AKAP6: variants seen among roughly 807,000 people sequenced by gnomAD.
AKAP6 encodes the protein A-kinase anchoring protein 6.
In AKAP6, 58 loss-of-function variants were observed where a neutral mutation model predicts 188.5. The observed-to-expected ratio is 0.31, with a 90% CI of 0.25 to 0.38. The LOEUF is 0.38. Among genes scored for constraint, AKAP6 ranks in the 10% least tolerant of loss-of-function variants. The pLI is 1.00. For missense variants in AKAP6, 2,710 were observed against 2,740.0 expected (o/e 0.99, Z 0.24); for synonymous variants, 989 against 998.6 (o/e 0.99, Z 0.18).
intron 1 of AKAP6, among the ~76,000 whole-genome samples, chr14:32,372,986 G>C (rs969006564): frequency 6.6e-6 from 1 of 152,044 alleles, no homozygotes. Context: ...AGGAAAAGAT[G>C]ATGTCAGACA....
rs367650901 is a variant in AKAP6, at chr14:32,577,135, C to G, written c.2362C>G (p.Leu788Val). The change falls in exon 5 of 14, where the codon CTG (leucine) becomes GTG (valine). Residue 788 changes from leucine (L) to valine (V), a missense_variant. This residue lies in a region of AKAP6 where 2,473 missense variants were observed against 2,426.1 expected (regional missense o/e 1.02). Coordinates refer to ENST00000280979, the MANE Select transcript of AKAP6 (RefSeq NM_004274.5). ...CTTTCACAAGGGGTTTGTAAACAAA[C>G]TGGATGAATTCATTCAATGGTTAAA... ...WEKIEGFVNK[L>V]DEFIQWLNEA... 8.1e-6 allele frequency: 13 copies of G among 1,608,950 alleles called. No homozygotes were observed. Among genetic ancestry groups the G allele is most frequent in the Non-Finnish European group, 1.0e-5 (12 of 1,178,498 alleles).
chr14:32,376,857 T>C (rs1385036931), intron 1 of AKAP6, among the ~76,000 whole-genome samples: 1 of 152,060 alleles, frequency 6.6e-6, no homozygotes, highest in Non-Finnish European at 1.5e-5. Flanking sequence ...CCATCATGAC[T>C]GACAAATTTT....
intron 5 of AKAP6, among the ~76,000 whole-genome samples, chr14:32,587,268 G>A (rs1885293547): frequency 6.6e-6 from 1 of 152,056 alleles, no homozygotes; most frequent in African/African-American, 2.4e-5. Flanking sequence ...ATATATTAAG[G>A]AAATTAGTCT....
chr14:32,445,213 A>G (rs1890717794), intron 2 of AKAP6, among the ~76,000 whole-genome samples: 1 of 152,094 alleles, frequency 6.6e-6, no homozygotes, highest in Non-Finnish European at 1.5e-5. Flanking sequence ...CATACCTTGG[A>G]ATATGGTTTC....
chr14:32,651,929 T>C (rs1888248092), intron 7 of AKAP6, among the ~76,000 whole-genome samples: 1 of 152,130 alleles, frequency 6.6e-6, no homozygotes, highest in Non-Finnish European at 1.5e-5. Flanking sequence ...AGTACTCTTT[T>C]TCCTGCCACC....
At chr14:32,804,671 T>A (rs1361626481) in intron 12 of AKAP6, among the ~76,000 whole-genome samples, 1 of 152,022 alleles carries the variant, frequency 6.6e-6, no homozygotes, top group African/African-American at 2.4e-5. Context: ...GACCACAAAT[T>A]TACCAGGGTG....
At position 32,546,524 on chromosome 14, in the gene AKAP6, G is replaced by C; in HGVS notation, c.1871G>C (p.Trp624Ser). 6.2e-7 allele frequency: 1 copy of C among 1,614,102 alleles called. No homozygotes were observed. The highest frequency in any genetic ancestry group is 1.3e-5 in the African/African-American group (1 of 75,020). Residue 624 changes from tryptophan (W) to serine (S), a missense_variant, in exon 4 of 14, where the codon TGG becomes TCG. By Grantham distance (177) the Trp-to-Ser change is radical. This residue lies in a region of AKAP6 where 2,473 missense variants were observed against 2,426.1 expected (regional missense o/e 1.02). Coordinates refer to ENST00000280979, the MANE Select transcript of AKAP6 (RefSeq NM_004274.5). ...AGGAATGGTGAGGTTGTGGAGGCCTGGTATGGCTCTGATGAATACCTAGCA... is the reference window on the plus strand; with the variant it reads ...AGGAATGGTGAGGTTGTGGAGGCCTCGTATGGCTCTGATGAATACCTAGCA... ...VTRNGEVVEAWYGSDEYLALP... is the reference protein window; with the variant it reads ...VTRNGEVVEASYGSDEYLALP...
intron 1 of AKAP6, among the ~76,000 whole-genome samples, chr14:32,417,263 G>A (rs1419645934): frequency 1.3e-5 from 2 of 152,148 alleles, no homozygotes; most frequent in African/African-American, 4.8e-5. Context: ...TGAACACAGA[G>A]ATCCTGTTAT....
At chr14:32,583,435 CA>C (rs1418123307) in intron 5 of AKAP6, among the ~76,000 whole-genome samples, 2 of 152,192 alleles carry the variant, frequency 1.3e-5, no homozygotes, top group African/African-American at 4.8e-5. Context: ...GCTCGGGGGT[CA>C]GGGGTCAGGG....
chr14:32,645,998 T>G (rs1270675989), intron 7 of AKAP6, among the ~76,000 whole-genome samples: 1 of 152,172 alleles, frequency 6.6e-6, no homozygotes, highest in Non-Finnish European at 1.5e-5. Flanking sequence ...TGGCATTATA[T>G]TTTAATGGTG....
At chr14:32,441,700 C>G (rs550620498) in intron 2 of AKAP6, among the ~76,000 whole-genome samples, 11 of 152,236 alleles carry the variant, frequency 7.2e-5, no homozygotes, top group African/African-American at 2.2e-4. Context: ...GCCACATGCA[C>G]TAATGTATTT....
intron 1 of AKAP6, among the ~76,000 whole-genome samples, chr14:32,339,566 G>C (rs943045229): frequency 6.6e-6 from 1 of 152,090 alleles, no homozygotes; most frequent in African/African-American, 2.4e-5. Flanking sequence ...TCTCTCTTTA[G>C]TGAATTTGGG....
At chr14:32,459,648 A>G (rs922276187) in intron 2 of AKAP6, among the ~76,000 whole-genome samples, 4 of 151,890 alleles carry the variant, frequency 2.6e-5, no homozygotes, top group Non-Finnish European at 4.4e-5. Flanking sequence ...AAAAAAAAAA[A>G]AAGAAGAAAA....
At chr14:32,727,114 AT>A (rs2139811158) in intron 9 of AKAP6, among the ~76,000 whole-genome samples, 2 of 152,346 alleles carry the variant, frequency 1.3e-5, no homozygotes, top group Admixed American at 1.3e-4. Flanking sequence ...AATAATCAAT[AT>A]TATAATTTTA....
At chr14:32,785,640 A>G (rs903626270) in intron 12 of AKAP6, among the ~76,000 whole-genome samples, 32 of 152,316 alleles carry the variant, frequency 2.1e-4, no homozygotes, top group Middle Eastern at 6.8e-3. Flanking sequence ...AAAGTGTTGT[A>G]AATATAAGGC....
Position 32,577,250 on chromosome 14 carries a change from A to C in AKAP6, c.2469+8A>C, listed in dbSNP as rs765911842. On this transcript the variant is annotated splice_region_variant and intron_variant, in intron 5 of 13. Coordinates refer to ENST00000280979, the MANE Select transcript of AKAP6 (RefSeq NM_004274.5). ...TATCTGGAGACACACTTGGTAGGCA[A>C]GATTGTGTTGTTCTTGCTGTCAATA... is the stretch of plus-strand genomic sequence containing the variant. 1 of 1,607,666 alleles carries C rather than the reference A, an allele frequency of 6.2e-7. No individual in the cohort carries two copies. The highest frequency in any genetic ancestry group is 1.1e-5 in the South Asian group (1 of 89,204).
intron 8 of AKAP6, among the ~76,000 whole-genome samples, chr14:32,680,449 A>G (rs558758621): frequency 6.6e-6 from 1 of 152,340 alleles, no homozygotes; most frequent in African/African-American, 2.4e-5. Context: ...CCAATGATAC[A>G]TAAACTTCAT....
At chr14:32,788,401 G>A (rs1030292361) in intron 12 of AKAP6, among the ~76,000 whole-genome samples, 6 of 152,146 alleles carry the variant, frequency 3.9e-5, no homozygotes, top group Middle Eastern at 3.2e-3. Flanking sequence ...CTGTGGCCGC[G>A]GAACTCACGG....
intron 9 of AKAP6, among the ~76,000 whole-genome samples, chr14:32,697,986 A>G (rs1164256208): frequency 6.6e-6 from 1 of 152,146 alleles, no homozygotes; most frequent in Non-Finnish European, 1.5e-5. Context: ...TAGGTGCTTA[A>G]CATAGCTCTG....
Sources: allele counts gnomAD v4.1 joint callset (sites outside exome capture counted in the v4.1 genomes callset), GRCh38; gene constraint gnomAD v4.1.1; regional missense constraint gnomAD v4.1.1; transcripts MANE v1.5; gene names NCBI Gene and HGNC (gene_info 2026-07-23, HGNC 2026-07-21).